Variants in MROH2A observed in about 807,000 individuals in gnomAD.
The protein encoded by MROH2A is maestro heat like repeat family member 2A.
A neutral mutation model predicts 200.4 loss-of-function variants in MROH2A; 174 were observed. That is an observed-to-expected ratio of 0.87 (90% CI 0.77 to 0.98). The LOEUF (loss-of-function observed/expected upper bound fraction) is 0.98. Ranked by LOEUF, MROH2A falls within the 50% of genes least tolerant of loss-of-function variation. MROH2A has a pLI of 0.00. For synonymous variants in MROH2A, 829 were observed against 840.4 expected (o/e 0.99, Z 0.23); for missense variants, 2,045 against 2,139.6 (o/e 0.96, Z 0.87).
chr2:233,790,096 G>T, intron 5 of MROH2A, 82 bp downstream of exon 5: 1 of 1,264,152 alleles, frequency 7.9e-7, no homozygotes. Flanking sequence ...CTATCCCTAT[G>T]TTCACCTCTT....
chr2:233,779,629 G>A lies in MROH2A; in HGVS notation c.95-42G>A, dbSNP rs186705555. On this transcript the variant is annotated intron_variant, in intron 2 of 41. Transcript: ENST00000389758. ...GGGACACAAGGGCACCTCCTGTCAT[G>A]GTCATTTCCACACTGCACCTGGGTG... 717 of 1,543,558 alleles carry A rather than the reference G, an allele frequency of 4.6e-4. 5 individuals are homozygous for A. Among genetic ancestry groups the A allele is most frequent in the Non-Finnish European group, 3.5e-5 (40 of 1,142,376 alleles).
At chr2:233,823,522 G>A (rs754515512) in intron 34 of MROH2A, 34 bp from the exon 35 acceptor site, 50 of 1,536,616 alleles carry the variant, frequency 3.3e-5, no homozygotes, top group East Asian at 1.2e-4. Flanking sequence ...GGGTGGGGCC[G>A]CCTCCACGAC....
chr2:233,823,040 G>A (rs1273975315), intron 34 of MROH2A, 22 bp downstream of exon 34: 3 of 1,549,168 alleles, frequency 1.9e-6, no homozygotes, highest in East Asian at 2.4e-5. Context: ...CTCCCACAGG[G>A]TGGCAGGGGG....
At chr2:233,791,769 G>C (rs1419689933) in intron 5 of MROH2A, among the ~76,000 whole-genome samples, 1 of 152,126 alleles carries the variant, frequency 6.6e-6, no homozygotes, top group African/African-American at 2.4e-5. Flanking sequence ...CCTGCCAAGG[G>C]GTCCAGTGAG....
chr2:233,779,927 A>G, intron 3 of MROH2A, 75 bp downstream of exon 3: 1 of 1,225,308 alleles, frequency 8.2e-7, no homozygotes, highest in Non-Finnish European at 1.1e-6. Context: ...GCACATAGTT[A>G]CTGACTATCA....
intron 22 of MROH2A, 106 bp downstream of exon 22, chr2:233,809,384 G>T (rs1392695192): frequency 1.6e-6 from 2 of 1,254,984 alleles, no homozygotes; most frequent in East Asian, 2.6e-5. Context: ...GGACATCCAG[G>T]CATCTTACCT....
intron 35 of MROH2A, among the ~76,000 whole-genome samples, chr2:233,826,663 C>A (rs974361542): frequency 2.6e-4 from 39 of 152,252 alleles, no homozygotes; most frequent in Middle Eastern, 3.4e-3. Context: ...TGGGCATGGA[C>A]AAACATTTCA....
At chr2:233,805,217 GT>G in intron 19 of MROH2A, 106 bp downstream of exon 19, 1 of 731,738 alleles carries the variant, frequency 1.4e-6, no homozygotes, top group Non-Finnish European at 2.3e-6. Context: ...ACCTGTGGCT[GT>G]TTACAGGGTC....
Position 233,807,360 on chromosome 2 carries a change from C to G in MROH2A, c.2053-63C>G, listed in dbSNP as rs1702866256. 6.7e-7 allele frequency: 1 copy of G among 1,482,762 alleles called. No individual in the cohort carries two copies. The highest frequency in any genetic ancestry group is 9.0e-7 in the Non-Finnish European group (1 of 1,108,400). The allele number at this position is 1,482,762 out of a possible 1,614,324, so 91.9% of individuals were successfully genotyped here. ...AAAATACGTAGAAAACTCTCTACAA[C>G]AGCACCCCCTGAAGGCTGGCTGTAG... On this transcript the variant is annotated intron_variant, in intron 19 of 41. Transcript: ENST00000389758. The surrounding 1 kb of genome is among the most constrained non-coding windows in gnomAD (Gnocchi z 4.3).
Position 233,804,212 on chromosome 2 carries a change from C to T in MROH2A, c.1891+20C>T. 1.3e-6 allele frequency: 2 copies of T among 1,549,854 alleles called. No homozygotes were observed. Among genetic ancestry groups the T allele is most frequent in the Non-Finnish European group, 8.7e-7 (1 of 1,146,612 alleles). On this transcript the variant is annotated intron_variant, in intron 17 of 41. Coordinates refer to ENST00000389758, the MANE Select transcript of MROH2A (RefSeq NM_001394639.1). ...TGGAAGGTGAGGTTCCTGGGGAGCC[C>T]ATCCCAAGCCAACCCTCCAATCCGT...
At chr2:233,783,790 T>C (rs1384607965) in intron 3 of MROH2A, among the ~76,000 whole-genome samples, 1 of 152,154 alleles carries the variant, frequency 6.6e-6, no homozygotes, top group Non-Finnish European at 1.5e-5. Context: ...TCTGCCCACT[T>C]CGGCCGCCCA....
At chr2:233,786,614 C>T (rs1388694996) in intron 3 of MROH2A, among the ~76,000 whole-genome samples, 1 of 152,152 alleles carries the variant, frequency 6.6e-6, no homozygotes, top group South Asian at 2.1e-4. Context: ...ACTTAAAAAG[C>T]ATGCTGATGG....
At position 233,793,707 on chromosome 2, in the gene MROH2A, T is replaced by A. The variant is rs957663321; in HGVS notation, c.705T>A (p.Tyr235Ter). The change falls in exon 7 of 42, where the codon TAT (tyrosine) becomes TAA (stop). Residue 235 changes from tyrosine (Y) to a stop codon, truncating the protein, a stop_gained. Transcript: ENST00000389758. LOFTEE classifies it high-confidence loss of function. ...CCTTCTGTGAGACGGTGCAGTTTTA[T>A]CTGAAGCACCTGGAGGAGAGCGTGT... ...METFCETVQF[Y>*]LKHLEESVYP... The A allele has an allele frequency of 1.4e-6, 2 of 1,466,320 alleles. No homozygotes were observed. Among genetic ancestry groups the A allele is most frequent in the Non-Finnish European group, 1.8e-6 (2 of 1,105,498 alleles). 90.8% of individuals were successfully genotyped at this position (1,466,320 alleles called of 1,614,324 possible).
rs1702892092 is a variant in MROH2A at position 233,807,682 on chromosome 2, C to T, written c.2173-51C>T. The T allele has an allele frequency of 3.2e-6, 5 of 1,549,998 alleles. No homozygotes were observed. The African/African-American group carries it at 4.1e-5, about 13-fold the overall frequency. On this transcript the variant is annotated intron_variant, in intron 20 of 41. Coordinates refer to ENST00000389758, the MANE Select transcript of MROH2A (RefSeq NM_001394639.1). The surrounding 1 kb of genome is among the most constrained non-coding windows in gnomAD (Gnocchi z 4.3). ...TTGCACGTGTGTGTGTGGGATCCTCCTCTGCCCACTGGCCCCTGCCCTCAC... is the reference window on the plus strand; with the variant it reads ...TTGCACGTGTGTGTGTGGGATCCTCTTCTGCCCACTGGCCCCTGCCCTCAC...
At chr2:233,777,132 G>A (rs186951891), upstream of MROH2A, among the ~76,000 whole-genome samples, 16 of 152,316 alleles carry the variant, frequency 1.1e-4, no homozygotes, top group African/African-American at 3.8e-4. Flanking sequence ...ATAATAATCG[G>A]TTGTTTTCAG....
At chr2:233,790,547 CCTTT>C (rs1467654392) in intron 5 of MROH2A, among the ~76,000 whole-genome samples, 3 of 41,684 alleles carry the variant, frequency 7.2e-5, no homozygotes, top group Non-Finnish European at 4.0e-5. Context: ...CCTCCCTCCC[CCTTT>C]CTTTTTCTCC....
intron 28 of MROH2A, 53 bp from the exon 29 acceptor site, chr2:233,818,599 G>C (rs1000265549): frequency 3.4e-5 from 39 of 1,152,532 alleles, no homozygotes; most frequent in African/African-American, 2.8e-4. Context: ...CGAAGGGGGG[G>C]TGGCTGGGCC....
At chr2:233,785,880 A>T (rs918412321) in intron 3 of MROH2A, among the ~76,000 whole-genome samples, 4 of 152,106 alleles carry the variant, frequency 2.6e-5, no homozygotes, top group Non-Finnish European at 5.9e-5. Context: ...TAGAAAACAG[A>T]AATTTATTTT....
rs1704170349 is a variant in MROH2A, at chr2:233,824,467, TG to T, written c.4113+806del. ...CCTCTGTAAATCTTCAAAATGAGGA[TG>T]GGAAGGAGAAGTGCTCCCTCGTTGT... On this transcript the variant is annotated intron_variant, in intron 35 of 41. Transcript: ENST00000389758. Among the ~76,000 whole-genome samples, 4 of 152,302 alleles carry T rather than the reference TG, an allele frequency of 2.6e-5. No individual in the cohort carries two copies. In the South Asian group the frequency reaches 8.3e-4, roughly 32 times the overall value.
Sources: gnomAD v4.1 joint callset for allele counts (sites outside exome capture counted in the v4.1 genomes callset) on GRCh38, gnomAD v4.1.1 for gene constraint, Gnocchi (gnomAD v3.1) non-coding constraint, MANE v1.5 for transcripts, NCBI Gene and HGNC (gene_info 2026-07-23, HGNC 2026-07-21) for gene names.